Variants in CTXN2 observed in about 807,000 individuals in gnomAD.
CTXN2 encodes the protein cortexin 2.
CTXN2 carries 3 observed loss-of-function variants against 5.7 expected under a neutral mutation model. The observed-to-expected ratio is 0.53, with a 90% CI of 0.24 to 1.36. CTXN2 has a LOEUF of 1.36. Among genes scored for constraint, CTXN2 ranks in the 40% most tolerant of loss-of-function variants. The pLI is 0.17. For missense variants in CTXN2, 87 were observed against 93.0 expected (o/e 0.94, Z 0.26); for synonymous variants, 38 against 36.4 (o/e 1.04, Z -0.16).
At chr15:48,183,626 A>C (rs1206722522) in intron 1 of CTXN2, among the ~76,000 whole-genome samples, 2 of 152,210 alleles carry the variant, frequency 1.3e-5, no homozygotes, top group Non-Finnish European at 2.9e-5. Flanking sequence ...TTGTTTTAAC[A>C]ATCCATTCAT....
rs1298242277 is a variant in CTXN2, at chr15:48,203,404, C to T, written c.*1858C>T. 1 of 167,070 alleles carries T rather than the reference C, an allele frequency of 6.0e-6. No individual in the cohort carries two copies. The highest frequency in any genetic ancestry group is 1.5e-5 in the Non-Finnish European group (1 of 68,126). 10.3% of individuals were successfully genotyped at this position (167,070 alleles called of 1,614,324 possible). The stretch of plus-strand genomic sequence containing the variant: ...TCAAGAGTGTAGGCCTGGTACACCT[C>T]ATAGCCAGTTAGTAACTTGGCCCAA... On this transcript the variant is annotated 3_prime_UTR_variant, in exon 2 of 2. Transcript: ENST00000417307.
upstream of CTXN2, chr15:48,191,613 T>C (rs549916178): frequency 2.2e-3 from 959 of 431,450 alleles, 8 homozygotes; most frequent in African/African-American, 0.018. Flanking sequence ...CATGCACGTT[T>C]TCCTGCAAAC....
chr15:48,193,397 TG>T (rs1251512801), intron 1 of CTXN2, among the ~76,000 whole-genome samples: 1 of 40,998 alleles, frequency 2.4e-5, no homozygotes, highest in African/African-American at 3.0e-5. Context: ...CCCAATTTTG[TG>T]GTATAATATA....
rs1004632223 is a variant in CTXN2, at chr15:48,203,183, G to A, written c.*1637G>A. On this transcript the variant is annotated 3_prime_UTR_variant, in exon 2 of 2. Transcript: ENST00000417307. ...CAGTTTGATTTCTGCTGTATCCCTAGACACTGTCCTCAACACTTCTACATA... is the reference window on the plus strand; with the variant it reads ...CAGTTTGATTTCTGCTGTATCCCTAAACACTGTCCTCAACACTTCTACATA... 6.0e-6 allele frequency: 1 copy of A among 167,060 alleles called. No homozygotes were observed. Among genetic ancestry groups the A allele is most frequent in the Non-Finnish European group, 1.5e-5 (1 of 68,108 alleles). 10.3% of individuals were successfully genotyped at this position (167,060 alleles called of 1,614,324 possible).
At chr15:48,195,317 A>T (rs1336437663) in intron 1 of CTXN2, among the ~76,000 whole-genome samples, 1 of 151,892 alleles carries the variant, frequency 6.6e-6, no homozygotes, top group Non-Finnish European at 1.5e-5. Context: ...TCTTTCATAC[A>T]TCTACTCCCT....
At chr15:48,185,406 T>C (rs535672666) in intron 1 of CTXN2, among the ~76,000 whole-genome samples, 43 of 152,264 alleles carry the variant, frequency 2.8e-4, no homozygotes, top group African/African-American at 1.0e-3. Flanking sequence ...ATGGGAACTT[T>C]CTGTACTCTC....
chr15:48,192,986 A>T (rs2040838689), intron 1 of CTXN2, among the ~76,000 whole-genome samples: 2 of 152,216 alleles, frequency 1.3e-5, no homozygotes, highest in African/African-American at 4.8e-5. Flanking sequence ...CATGAATATG[A>T]AAGGCTGCAT....
intron 1 of CTXN2, chr15:48,178,746 C>T (rs962969578): frequency 3.3e-5 from 5 of 152,642 alleles, no homozygotes; most frequent in Admixed American, 2.6e-4. Context: ...AAATATAAGT[C>T]TCTTGCCATT....
At chr15:48,183,958 G>A (rs1027208174) in intron 1 of CTXN2, among the ~76,000 whole-genome samples, 1 of 152,176 alleles carries the variant, frequency 6.6e-6, no homozygotes, top group Non-Finnish European at 1.5e-5. Context: ...TTCTTCCCAA[G>A]TGCCTTTGCT....
intron 1 of CTXN2, among the ~76,000 whole-genome samples, chr15:48,180,502 G>T (rs571048619): frequency 5.9e-5 from 9 of 152,058 alleles, no homozygotes; most frequent in East Asian, 1.9e-4. Context: ...TACTGTTTTG[G>T]TTTGTTTTGT....
chr15:48,199,302 CTGTT>C (rs2040908356), intron 1 of CTXN2, among the ~76,000 whole-genome samples: 2 of 152,186 alleles, frequency 1.3e-5, no homozygotes, highest in Admixed American at 6.5e-5. Context: ...CAGCTGAAGA[CTGTT>C]TGCTGCCAAC....
intron 1 of CTXN2, among the ~76,000 whole-genome samples, chr15:48,198,012 A>G (rs1343916866): frequency 4.6e-5 from 7 of 152,152 alleles, no homozygotes. Flanking sequence ...ACAGTTGAAT[A>G]CAAAATTTAA....
upstream of CTXN2, among the ~76,000 whole-genome samples, chr15:48,189,840 G>T (rs928167188): frequency 1.3e-5 from 2 of 151,904 alleles, no homozygotes; most frequent in South Asian, 2.1e-4. Context: ...ACAATGTCTC[G>T]CTCTGTCACC....
intron 1 of CTXN2, among the ~76,000 whole-genome samples, chr15:48,193,693 T>C (rs1442254061): frequency 6.6e-6 from 1 of 152,130 alleles, no homozygotes; most frequent in Non-Finnish European, 1.5e-5. Flanking sequence ...AACACCTTAG[T>C]AATTGTGAAT....
upstream of CTXN2, among the ~76,000 whole-genome samples, chr15:48,186,909 C>CAA (rs751653728): frequency 6.1e-4 from 27 of 44,398 alleles, no homozygotes; most frequent in African/African-American, 1.0e-3. Flanking sequence ...GACTCCATCT[C>CAA]AAAAAAAAAA....
At chr15:48,180,297 A>G (rs1385176360) in intron 1 of CTXN2, among the ~76,000 whole-genome samples, 1 of 152,220 alleles carries the variant, frequency 6.6e-6, no homozygotes, top group Non-Finnish European at 1.5e-5. Flanking sequence ...GGCCTTATAA[A>G]AGAGCTGGAT....
At chr15:48,191,489 T>A (rs2040821616), upstream of CTXN2, 1 of 286,836 alleles carries the variant, frequency 3.5e-6, no homozygotes, top group Non-Finnish European at 7.1e-6. Flanking sequence ...CTGCTGGAGC[T>A]GATTCCCTTC....
intron 1 of CTXN2, among the ~76,000 whole-genome samples, chr15:48,199,532 C>G (rs189350711): frequency 6.6e-6 from 1 of 152,182 alleles, no homozygotes; most frequent in South Asian, 2.1e-4. Context: ...TATAGAGAAA[C>G]ATCCTGCTAT....
intron 1 of CTXN2, among the ~76,000 whole-genome samples, chr15:48,185,492 G>A (rs192827964): frequency 6.1e-4 from 92 of 152,028 alleles, no homozygotes; most frequent in Admixed American, 3.3e-3. Flanking sequence ...GCAATATTTC[G>A]GGAAAAAATT....
Sources: gnomAD v4.1 joint callset for allele counts (sites outside exome capture counted in the v4.1 genomes callset) on GRCh38, gnomAD v4.1.1 for gene constraint, MANE v1.5 for transcripts, NCBI Gene and HGNC (gene_info 2026-07-23, HGNC 2026-07-21) for gene names.